LRRC34: variants seen among roughly 807,000 people sequenced by gnomAD.
LRRC34 encodes the protein leucine rich repeat containing 34.
LRRC34 carries 44 observed loss-of-function variants against 48.5 expected under a neutral mutation model. The ratio of observed to expected loss-of-function variants is 0.91; its 90% CI spans 0.71 to 1.17. LRRC34 has a LOEUF of 1.17. LRRC34 is among the 50% of genes most tolerant of loss of function. LRRC34 has a pLI of 0.00. For synonymous variants in LRRC34, 192 were observed against 197.6 expected (o/e 0.97, Z 0.24); for missense variants, 502 against 563.0 (o/e 0.89, Z 1.10).
intron 6 of LRRC34, among the ~76,000 whole-genome samples, chr3:169,802,081 C>T (rs918757765): frequency 2.6e-5 from 4 of 152,144 alleles, no homozygotes; most frequent in African/African-American, 4.8e-5. Context: ...GGATTACAGG[C>T]GTGAGCCACC....
In LRRC34 at chr3:169,807,439, G is replaced by A. The variant is rs376613227; in HGVS notation, c.431C>T (p.Ala144Val). 23 of 1,613,630 alleles carry A rather than the reference G, an allele frequency of 1.4e-5. No individual in the cohort carries two copies. Among genetic ancestry groups the A allele is most frequent in the Middle Eastern group, 1.6e-4 (1 of 6,076 alleles). The change falls in exon 4 of 11, where the codon GCG (alanine) becomes GTG (valine). Residue 144 changes from alanine (A) to valine (V), a missense_variant. By Grantham distance (64) the Ala-to-Val change is moderately conservative (BLOSUM62 0). Coordinates refer to ENST00000446859, the MANE Select transcript of LRRC34 (RefSeq NM_001172779.2). ...LLCDVGAYYAAKLLQKQLNLI... is the reference protein window; with the variant it reads ...LLCDVGAYYAVKLLQKQLNLI... Reference sequence around the variant, plus strand: ...GTAAAATAATACCTGAAGCAGTTTCGCAGCATAGTATGCACCAACATCACA... The same window carrying A: ...GTAAAATAATACCTGAAGCAGTTTCACAGCATAGTATGCACCAACATCACA...
chr3:169,793,702 T>C lies in LRRC34; in HGVS notation c.1328A>G (p.Tyr443Cys). The C allele has an allele frequency of 6.2e-7, 1 of 1,613,838 alleles. No individual in the cohort carries two copies. The highest frequency in any genetic ancestry group is 8.5e-7 in the Non-Finnish European group (1 of 1,179,846). ...AGATGAGTGGTCATAAGATTCTCCA[T>C]AAGTTGATGTCCAATAATAATGCTT... ...LKKHYYWTST[Y>C]GESYDHSSNA... The change falls in exon 11 of 11, where the codon TAT (tyrosine) becomes TGT (cysteine). Residue 443 changes from tyrosine to cysteine, a missense_variant. Physicochemically the swap from Tyr to Cys is radical, Grantham distance 194. Transcript: ENST00000446859.
chr3:169,811,401 T>A (rs914129702), intron 1 of LRRC34, among the ~76,000 whole-genome samples: 1 of 152,256 alleles, frequency 6.6e-6, no homozygotes, highest in Admixed American at 6.5e-5. Flanking sequence ...AAGTTTCTGC[T>A]ACCCTTCCTT....
chr3:169,808,856 G>A (rs769657562), intron 1 of LRRC34, 111 bp from the exon 2 acceptor site: 2 of 614,296 alleles, frequency 3.3e-6, no homozygotes, highest in Non-Finnish European at 2.9e-6. Context: ...TATAGTGGGG[G>A]TAGGGAAGAA....
chr3:169,812,465 C>T lies in LRRC34; in HGVS notation c.84G>A (p.Pro28=), dbSNP rs1436038624. The part of the protein sequence containing the change: ...REAARAPARS[P]AWASTQASTP... ...TACTGGCCTGAGTGGAGGCCCAAGC[C>T]GGGGACCTGGCCGGCGCACGGGCGG... Residue 28 remains proline, a synonymous_variant, in exon 1 of 11, where the codon CCG becomes CCA. Transcript: ENST00000446859. The surrounding 1 kb of genome is among the most constrained non-coding windows in gnomAD (Gnocchi z 4.3). The T allele has an allele frequency of 2.0e-6, 3 of 1,530,526 alleles. No individual in the cohort carries two copies. Among genetic ancestry groups the T allele is most frequent in the Non-Finnish European group, 2.6e-6 (3 of 1,144,966 alleles). 94.8% of individuals were successfully genotyped at this position (1,530,526 alleles called of 1,614,324 possible).
chr3:169,801,342 C>G (rs1314557919), intron 6 of LRRC34, among the ~76,000 whole-genome samples: 1 of 152,180 alleles, frequency 6.6e-6, no homozygotes, highest in Non-Finnish European at 1.5e-5. Context: ...CTTACAGATT[C>G]TGCTGCCTCC....
intron 1 of LRRC34, 57 bp from the exon 2 acceptor site, chr3:169,808,802 A>T: frequency 1.1e-6 from 1 of 952,110 alleles, no homozygotes; most frequent in South Asian, 1.5e-5. Flanking sequence ...CTTTAAAAAA[A>T]ACCATAAAAA....
rs2108247759 is a variant in LRRC34 at position 169,808,740 on chromosome 3, G to A, written c.145C>T (p.Pro49Ser). The A allele has an allele frequency of 6.5e-7, 1 of 1,539,418 alleles. No individual in the cohort carries two copies. Among genetic ancestry groups the A allele is most frequent in the South Asian group, 1.2e-5 (1 of 85,610 alleles). The change falls in exon 2 of 11, where the codon CCA becomes TCA. Residue 49 changes from proline to serine, a missense_variant. Transcript: ENST00000446859. ...TAATGTTTCTGGAGACCAGATTCTG[G>A]AGATTCTGAAAAATATATGCATCCT... is the stretch of plus-strand genomic sequence containing the variant. The part of the protein sequence containing the change: ...GAALAVQRES[P>S]ESGLQKHYSN...
chr3:169,811,835 A>C (rs1779583056), intron 1 of LRRC34, among the ~76,000 whole-genome samples: 1 of 152,202 alleles, frequency 6.6e-6, no homozygotes, highest in African/African-American at 2.4e-5. Flanking sequence ...TCCTGGATGC[A>C]GTATTATTAA....
chr3:169,808,852 G>A, intron 1 of LRRC34, 107 bp from the exon 2 acceptor site: 1 of 637,310 alleles, frequency 1.6e-6, no homozygotes, highest in South Asian at 1.8e-5. Context: ...TGTGTATAGT[G>A]GGGGTAGGGA....
chr3:169,796,281 T>G lies in LRRC34; in HGVS notation c.997A>C (p.Arg333=). 6.2e-7 allele frequency: 1 copy of G among 1,612,860 alleles called. No homozygotes were observed. The highest frequency in any genetic ancestry group is 2.2e-5 in the East Asian group (1 of 44,736). The change falls in exon 9 of 11, where the codon AGA becomes CGA. Residue 333 remains arginine, a synonymous_variant. Coordinates refer to ENST00000446859, the MANE Select transcript of LRRC34 (RefSeq NM_001172779.2). ...TAGTTTGCGCCTGCATTTTCTATTC[T>G]GTTAAAGGAAAGATCTATTACTTCC... The part of the protein sequence containing the change: ...TLEVIDLSFN[R]IENAGANYLS...
Position 169,806,932 on chromosome 3 carries a change from C to T in LRRC34, c.445-1G>A. Reference sequence around the variant, plus strand: ...TTAAGTAAATGAGATTAAGTTGTTTCTATAAGAGAAAAGAAGCTATTACAC... The same window carrying T: ...TTAAGTAAATGAGATTAAGTTGTTTTTATAAGAGAAAAGAAGCTATTACAC... On this transcript the variant is annotated splice_acceptor_variant, in intron 4 of 10. Coordinates refer to ENST00000446859, the MANE Select transcript of LRRC34 (RefSeq NM_001172779.2). LOFTEE classifies it high-confidence loss of function. 1.3e-6 allele frequency: 2 copies of T among 1,572,814 alleles called. No homozygotes were observed. Among genetic ancestry groups the T allele is most frequent in the Non-Finnish European group, 1.7e-6 (2 of 1,146,396 alleles).
chr3:169,812,571 G>A lies in LRRC34; in HGVS notation c.-23C>T. 6.8e-7 allele frequency: 1 copy of A among 1,462,576 alleles called. No homozygotes were observed. The highest frequency in any genetic ancestry group is 1.4e-5 in the South Asian group (1 of 72,540). 90.6% of individuals were successfully genotyped at this position (1,462,576 alleles called of 1,614,324 possible). The stretch of plus-strand genomic sequence containing the variant: ...CATGGCGACCGCGCGCGCACTTACA[G>A]TCCGCCTGCAGCTGTGAGGCGGCTA... On this transcript the variant is annotated 5_prime_UTR_variant, in exon 1 of 11. Coordinates refer to ENST00000446859, the MANE Select transcript of LRRC34 (RefSeq NM_001172779.2). The surrounding 1 kb of genome is among the most constrained non-coding windows in gnomAD (Gnocchi z 4.3).
chr3:169,807,488 A>T lies in LRRC34; in HGVS notation c.382T>A (p.Leu128Met), dbSNP rs1381315344. 1 of 1,613,990 alleles carries T rather than the reference A, an allele frequency of 6.2e-7. No homozygotes were observed. The highest frequency in any genetic ancestry group is 8.5e-7 in the Non-Finnish European group (1 of 1,179,916). The change falls in exon 4 of 11, where the codon TTG (leucine) becomes ATG (methionine). Residue 128 changes from leucine to methionine, a missense_variant and splice_region_variant. Physicochemically the swap from Leu to Met is conservative, Grantham distance 15 (BLOSUM62 2). Transcript: ENST00000446859. ...CATAGAAGGTTATATCCAACATCCA[A>T]ACCTGAAGCACAGATGAATAGAAGT... ...ILKNCLYING[L>M]DVGYNLLCDV...
rs1040233489 is a variant in LRRC34 at position 169,812,456 on chromosome 3, G to A, written c.93C>T (p.Ala31=). ...ARAPARSPAW[A]STQASTPGAA... is the part of the protein sequence containing the mutation. ...CGCCCGGAGTACTGGCCTGAGTGGA[G>A]GCCCAAGCCGGGGACCTGGCCGGCG... is the stretch of plus-strand genomic sequence containing the variant. Residue 31 remains alanine (A), a synonymous_variant, in exon 1 of 11, where the codon GCC becomes GCT. Transcript: ENST00000446859. This position sits in a 1 kb window ranked among gnomAD's most constrained non-coding sequence, Gnocchi z 4.3. The A allele has an allele frequency of 2.0e-6, 3 of 1,531,318 alleles. No homozygotes were observed. Among genetic ancestry groups the A allele is most frequent in the Non-Finnish European group, 2.6e-6 (3 of 1,145,352 alleles). 94.9% of individuals were successfully genotyped at this position (1,531,318 alleles called of 1,614,324 possible). A position where few individuals can be genotyped will look rare whatever the true frequency, so the allele number is the denominator to read the frequency against.
chr3:169,800,952 C>T (rs988526408), intron 6 of LRRC34, among the ~76,000 whole-genome samples, 198 bp from the exon 7 acceptor site: 1 of 152,190 alleles, frequency 6.6e-6, no homozygotes, highest in African/African-American at 2.4e-5. Flanking sequence ...TAAAATCTAT[C>T]TAAAACATGG....
chr3:169,802,422 T>C (rs1182086744), intron 6 of LRRC34, among the ~76,000 whole-genome samples: 2 of 152,188 alleles, frequency 1.3e-5, no homozygotes, highest in Non-Finnish European at 2.9e-5. Flanking sequence ...ACCTTAGTAA[T>C]ATAAGTCTTA....
chr3:169,794,137 C>T (rs1778898993), intron 10 of LRRC34: 2 of 221,360 alleles, frequency 9.0e-6, no homozygotes, highest in Middle Eastern at 1.9e-3. Flanking sequence ...TTTTGTGGAC[C>T]AAAGCTCCTA....
rs562573402 is a variant in LRRC34, at chr3:169,800,896, A to G, written c.658-142T>C. On this transcript the variant is annotated intron_variant, in intron 6 of 10. Coordinates refer to ENST00000446859, the MANE Select transcript of LRRC34 (RefSeq NM_001172779.2). Reference sequence around the variant, plus strand: ...TCCTTGGACTTTGAATTGTAAGTTGATCAAATTCAAAAATGAATTGTTACT... The same window carrying G: ...TCCTTGGACTTTGAATTGTAAGTTGGTCAAATTCAAAAATGAATTGTTACT... 48 of 616,902 alleles carry G rather than the reference A, an allele frequency of 7.8e-5. No individual in the cohort carries two copies. In the African/African-American group the frequency reaches 7.9e-4, roughly 10 times the overall value. The allele number at this position is 616,902 out of a possible 1,614,324, so 38.2% of individuals were successfully genotyped here.
Sources: gnomAD v4.1 joint callset for allele counts (sites outside exome capture counted in the v4.1 genomes callset) on GRCh38, gnomAD v4.1.1 for gene constraint, Gnocchi (gnomAD v3.1) non-coding constraint, MANE v1.5 for transcripts, NCBI Gene and HGNC (gene_info 2026-07-23, HGNC 2026-07-21) for gene names.